The following CMSS1 variants were observed in gnomAD, a reference collection of about 807,000 sequenced individuals.
The protein encoded by CMSS1 is cms1 ribosomal small subunit homolog.
In CMSS1, 33 loss-of-function variants were observed where a neutral mutation model predicts 43.5. That is an observed-to-expected ratio of 0.76 (90% CI 0.57 to 1.01). The LOEUF (loss-of-function observed/expected upper bound fraction) is 1.01. Ranked by LOEUF, CMSS1 falls within the 50% of genes least tolerant of loss-of-function variation. The pLI is 0.00. For synonymous variants in CMSS1, 115 were observed against 117.2 expected, an observed-to-expected ratio of 0.98 and a Z score of 0.12; for missense variants, 313 against 326.4, an observed-to-expected ratio of 0.96 and a Z score of 0.32.
At chr3:100,172,169 C>T (rs908534120) in intron 7 of CMSS1, 147 bp from the exon 8 acceptor site, 7 of 689,676 alleles carry the variant, frequency 1.0e-5, no homozygotes, top group Non-Finnish European at 1.2e-5. Context: ...GGGATATGCT[C>T]ATCTCTGCCC....
intron 1 of CMSS1, among the ~76,000 whole-genome samples, chr3:100,079,985 G>T (rs2065905845): frequency 6.6e-6 from 1 of 152,080 alleles, no homozygotes; most frequent in South Asian, 2.1e-4. Flanking sequence ...GAGTGGCTTG[G>T]AGTGGCTAGA....
At chr3:100,161,447 A>G (rs1194047233) in intron 3 of CMSS1, among the ~76,000 whole-genome samples, 1 of 152,142 alleles carries the variant, frequency 6.6e-6, no homozygotes, top group Non-Finnish European at 1.5e-5. Flanking sequence ...GTCTTGACTG[A>G]GGTCACACTA....
At chr3:99,971,506 CTCACAGGAGATGCAGATGAAAATAT>C (rs1324826003) in intron 1 of CMSS1, among the ~76,000 whole-genome samples, 1 of 152,178 alleles carries the variant, frequency 6.6e-6, no homozygotes, top group African/African-American at 2.4e-5. Context: ...GGAATGAGGT[CTCACAGGAGATGCAGATGAAAATAT>C]GTTAGTATTG....
chr3:100,160,825 T>C (rs2067017061), intron 3 of CMSS1, among the ~76,000 whole-genome samples: 1 of 152,316 alleles, frequency 6.6e-6, no homozygotes, highest in Non-Finnish European at 1.5e-5. Flanking sequence ...CCCCGGCCCT[T>C]CTGGCTCTGT....
intron 1 of CMSS1, among the ~76,000 whole-genome samples, chr3:100,035,888 T>G (rs114971946): frequency 0.012 from 1,898 of 152,282 alleles, 31 homozygotes; most frequent in African/African-American, 0.043. Context: ...ACATGTAATT[T>G]CTATGGATGG....
intron 1 of CMSS1, among the ~76,000 whole-genome samples, chr3:100,021,960 T>TGTGTGTGTGTGTGAGAGAGAGA (rs1321185364): frequency 1.1e-5 from 1 of 93,332 alleles, no homozygotes; most frequent in South Asian, 4.4e-4. Flanking sequence ...TGTGTGTGTG[T>TGTGTGTGTGTGTGAGAGAGAGA]GAGAGAGAGA....
At chr3:99,982,432 C>G (rs928462601) in intron 1 of CMSS1, among the ~76,000 whole-genome samples, 26 of 152,110 alleles carry the variant, frequency 1.7e-4, no homozygotes, top group African/African-American at 6.0e-4. Context: ...CGTCAGCCTC[C>G]TGGGCTCAAG....
In CMSS1 at chr3:99,836,748, G is replaced by T. The variant is rs569727349; in HGVS notation, c.64+18705G>T. ...TCCCATTACTTGAACAGTACATAGT[G>T]ATTGAACCACTATCCAGGGAGTGAT... On this transcript the variant is annotated intron_variant, in intron 1 of 9. Transcript: ENST00000421999. 7.2e-5 allele frequency among the ~76,000 whole-genome samples: 11 copies of T among 152,306 alleles called. No homozygotes were observed. In the South Asian group the frequency reaches 2.3e-3, roughly 32 times the overall value.
In CMSS1 at chr3:99,884,573, C is replaced by T. The variant is rs919728656; in HGVS notation, c.64+66530C>T. On this transcript the variant is annotated intron_variant, in intron 1 of 9. Transcript: ENST00000421999. ...CTGCTGTCTCTGATGTCTCAAACTT[C>T]CTTCCCACTTTATGGGATTCTGTAG... Among the ~76,000 whole-genome samples the T allele has an allele frequency of 3.3e-5, 5 of 152,312 alleles. No homozygotes were observed. In the East Asian group the frequency reaches 9.6e-4, roughly 29 times the overall value.
intron 1 of CMSS1, among the ~76,000 whole-genome samples, chr3:100,144,643 T>A (rs1212016885): frequency 6.6e-6 from 1 of 152,150 alleles, no homozygotes; most frequent in Admixed American, 6.5e-5. Flanking sequence ...GAGGATGAGG[T>A]CATAGTTTTT....
At chr3:100,119,453 C>T (rs2066602062) in intron 1 of CMSS1, among the ~76,000 whole-genome samples, 1 of 152,196 alleles carries the variant, frequency 6.6e-6, no homozygotes, top group African/African-American at 2.4e-5. Context: ...TACCCTCAAT[C>T]CCATGTTATT....
intron 1 of CMSS1, among the ~76,000 whole-genome samples, chr3:99,898,922 G>A (rs542182210): frequency 1.1e-4 from 16 of 152,110 alleles, no homozygotes; most frequent in East Asian, 1.9e-4. Flanking sequence ...AGCTCTAATC[G>A]AAGTTTAGCT....
intron 1 of CMSS1, chr3:99,930,641 C>T: frequency 1.0e-6 from 1 of 965,876 alleles, no homozygotes; most frequent in South Asian, 1.6e-5. Context: ...TGTATATATA[C>T]TTATGCTTTG....
At chr3:99,850,049 T>G (rs760939603) in intron 1 of CMSS1, 25 of 1,611,236 alleles carry the variant, frequency 1.6e-5, no homozygotes, top group Non-Finnish European at 2.0e-5. Context: ...GCCCTTTTAG[T>G]TTCCTCAATT....
chr3:99,933,377 G>C (rs1353866959), intron 1 of CMSS1, among the ~76,000 whole-genome samples: 1 of 152,186 alleles, frequency 6.6e-6, no homozygotes, highest in Non-Finnish European at 1.5e-5. Flanking sequence ...CAAAGGCATA[G>C]AAGGGATATT....
intron 1 of CMSS1, among the ~76,000 whole-genome samples, chr3:99,831,611 T>C (rs1324308083): frequency 6.6e-6 from 1 of 152,230 alleles, no homozygotes; most frequent in Non-Finnish European, 1.5e-5. Context: ...GACTATAGCA[T>C]TAATAATAGC....
intron 1 of CMSS1, among the ~76,000 whole-genome samples, chr3:100,017,061 T>C (rs1394771754): frequency 5.3e-5 from 8 of 152,266 alleles, no homozygotes; most frequent in Non-Finnish European, 1.2e-4. Flanking sequence ...CATGTGTGTA[T>C]AATTCTTCAT....
chr3:99,923,856 G>T (rs973493844), intron 1 of CMSS1, among the ~76,000 whole-genome samples: 2 of 152,146 alleles, frequency 1.3e-5, no homozygotes, highest in African/African-American at 4.8e-5. Context: ...TGAAAAGCTT[G>T]AGTTCCCTCA....
At chr3:100,024,403 T>G (rs1384013025) in intron 1 of CMSS1, among the ~76,000 whole-genome samples, 1 of 152,200 alleles carries the variant, frequency 6.6e-6, no homozygotes, top group Non-Finnish European at 1.5e-5. Flanking sequence ...GAAGGAATCC[T>G]TCTAGATTTT....
Sources: gnomAD v4.1 joint callset for allele counts (sites outside exome capture counted in the v4.1 genomes callset) on GRCh38, gnomAD v4.1.1 for gene constraint, MANE v1.5 for transcripts, NCBI Gene and HGNC (gene_info 2026-07-23, HGNC 2026-07-21) for gene names.